Variants in RGS7 observed in about 807,000 individuals in gnomAD.
RGS7 encodes regulator of G protein signaling 7, also known as regulator of G-protein signaling 7.
Under a neutral mutation model 81.1 loss-of-function variants are expected in RGS7, and 27 were observed. The ratio of observed to expected loss-of-function variants is 0.33; its 90% CI spans 0.25 to 0.46. The LOEUF (loss-of-function observed/expected upper bound fraction) is 0.46, where lower values mean the gene tolerates loss of function less well. RGS7 is among the 20% of genes least tolerant of loss of function. The pLI, the probability that RGS7 is intolerant of heterozygous loss-of-function variation, is 1.00. For missense variants in RGS7, 396 were observed against 607.4 expected (o/e 0.65, Z 3.66); for synonymous variants, 208 against 207.7 (o/e 1.00, Z -0.01).
chr1:241,334,348 CTG>C (rs1334979431), intron 2 of RGS7, among the ~76,000 whole-genome samples: 3 of 152,128 alleles, frequency 2.0e-5, no homozygotes, highest in Non-Finnish European at 2.9e-5. Context: ...TTTCTTGTTG[CTG>C]GAGAGCAATG....
chr1:241,002,177 TG>T (rs753401401), intron 3 of RGS7, among the ~76,000 whole-genome samples: 28 of 152,102 alleles, frequency 1.8e-4, no homozygotes, highest in Non-Finnish European at 3.2e-4. Context: ...CCCGGCGGGA[TG>T]GCTCATGCTG....
chr1:241,330,601 T>TA (rs1367568442), intron 2 of RGS7, among the ~76,000 whole-genome samples: 3 of 152,162 alleles, frequency 2.0e-5, no homozygotes. Flanking sequence ...TTAACAGAAT[T>TA]AGAGTATCCA....
intron 9 of RGS7, among the ~76,000 whole-genome samples, chr1:240,853,721 T>C (rs1268058001): frequency 6.6e-6 from 1 of 151,550 alleles, no homozygotes; most frequent in African/African-American, 2.4e-5. Flanking sequence ...GCTAACACGG[T>C]GAAACCCCGT....
intron 3 of RGS7, among the ~76,000 whole-genome samples, chr1:240,989,586 C>T (rs978125394): frequency 1.1e-4 from 16 of 151,942 alleles, no homozygotes; most frequent in Admixed American, 5.2e-4. Flanking sequence ...ACTGAGACAC[C>T]CCATGGTTCC....
chr1:241,130,247 A>T (rs2103034654), intron 2 of RGS7, among the ~76,000 whole-genome samples: 1 of 152,274 alleles, frequency 6.6e-6, no homozygotes, highest in Non-Finnish European at 1.5e-5. Context: ...ACTTTTAGAT[A>T]AAAAGCCCAA....
chr1:241,069,739 G>T (rs562421533), intron 3 of RGS7, among the ~76,000 whole-genome samples: 1 of 152,036 alleles, frequency 6.6e-6, no homozygotes, highest in Non-Finnish European at 1.5e-5. Context: ...ACATATTTCC[G>T]AAACATCAGA....
At chr1:241,149,616 C>T (rs1375758159) in intron 2 of RGS7, among the ~76,000 whole-genome samples, 1 of 152,172 alleles carries the variant, frequency 6.6e-6, no homozygotes, top group Non-Finnish European at 1.5e-5. Flanking sequence ...GGGCCATGTC[C>T]TTTAAACCAG....
At chr1:241,315,362 T>A (rs979184919) in intron 2 of RGS7, among the ~76,000 whole-genome samples, 29 of 152,102 alleles carry the variant, frequency 1.9e-4, no homozygotes, top group African/African-American at 6.3e-4. Flanking sequence ...AACTGTCTGA[T>A]ATCTGATAAT....
At chr1:241,134,080 T>A (rs2067312381) in intron 2 of RGS7, among the ~76,000 whole-genome samples, 1 of 152,194 alleles carries the variant, frequency 6.6e-6, no homozygotes, top group Admixed American at 6.5e-5. Flanking sequence ...CACTGCCCAA[T>A]ATGGTAGCCA....
At chr1:241,115,269 G>A (rs1292007151) in intron 2 of RGS7, among the ~76,000 whole-genome samples, 1 of 152,120 alleles carries the variant, frequency 6.6e-6, no homozygotes, top group Non-Finnish European at 1.5e-5. Flanking sequence ...GATCCTTGCA[G>A]TTATTTCAGG....
chr1:240,989,873 A>T (rs1686210410), intron 3 of RGS7, among the ~76,000 whole-genome samples: 1 of 152,152 alleles, frequency 6.6e-6, no homozygotes, highest in Non-Finnish European at 1.5e-5. Flanking sequence ...AAGGGAAAGG[A>T]TGTATTTAGG....
intron 2 of RGS7, among the ~76,000 whole-genome samples, chr1:241,180,037 C>A (rs149457305): frequency 2.0e-5 from 3 of 152,084 alleles, no homozygotes; most frequent in Middle Eastern, 3.4e-3. Context: ...TTGATGTGGG[C>A]CAGGTATGAG....
At position 241,059,353 on chromosome 1, in the gene RGS7, C is replaced by G. The variant is rs187110612; in HGVS notation, c.175+39313G>C. Among the ~76,000 whole-genome samples the G allele has an allele frequency of 2.3e-3, 347 of 152,238 alleles. 5 individuals carry two copies. The highest frequency in any genetic ancestry group is 0.022 in the Admixed American group (329 of 15,290). ...TTGGTATAGTGGTAAAAAGTGATAA[C>G]TTACTTTAAAATACTTCCATATGAA... On this transcript the variant is annotated intron_variant, in intron 3 of 18. Coordinates refer to ENST00000440928, the MANE Select transcript of RGS7 (RefSeq NM_001364886.1).
chr1:240,846,466 A>G (rs1411812051), intron 9 of RGS7, among the ~76,000 whole-genome samples: 3 of 152,124 alleles, frequency 2.0e-5, no homozygotes, highest in Non-Finnish European at 4.4e-5. Context: ...CCTCCTGCTT[A>G]CAGGTTACTG....
Position 241,108,494 on chromosome 1 carries a change from T to G in RGS7, c.79-9732A>C, listed in dbSNP as rs80243960. On this transcript the variant is annotated intron_variant, in intron 2 of 18. Transcript: ENST00000440928. ...GGCATGGTAAGTATTTGCCCCGAGG[T>G]AGAAAATACCAACGATGCTAAATGT... is the stretch of plus-strand genomic sequence containing the variant. Among the ~76,000 whole-genome samples the G allele has an allele frequency of 7.2e-3, 1,101 of 152,212 alleles. 16 individuals are homozygous for G. Among genetic ancestry groups the G allele is most frequent in the African/African-American group, 0.025 (1,042 of 41,544 alleles).
rs146642169 is a variant in RGS7 at position 241,167,775 on chromosome 1, C to T, written c.79-69013G>A. 7.1e-3 allele frequency among the ~76,000 whole-genome samples: 1,086 copies of T among 152,220 alleles called. 18 individuals are homozygous for T. The highest frequency in any genetic ancestry group is 0.025 in the African/African-American group (1,052 of 41,530). On this transcript the variant is annotated intron_variant, in intron 2 of 18. Coordinates refer to ENST00000440928, the MANE Select transcript of RGS7 (RefSeq NM_001364886.1). ...CCTCATGATCCTCCCGCCTCAGCCTCCCAAAGTACTGGGATTACAGGGATG... is the reference window on the plus strand; with the variant it reads ...CCTCATGATCCTCCCGCCTCAGCCTTCCAAAGTACTGGGATTACAGGGATG...
intron 4 of RGS7, among the ~76,000 whole-genome samples, chr1:240,942,631 G>A (rs1439962760): frequency 6.6e-6 from 1 of 152,090 alleles, no homozygotes; most frequent in Non-Finnish European, 1.5e-5. Context: ...GAAAAAAGAT[G>A]GCAGCTGATT....
chr1:240,898,376 C>T (rs139582998), intron 6 of RGS7, among the ~76,000 whole-genome samples: 42 of 152,074 alleles, frequency 2.8e-4, no homozygotes, highest in South Asian at 1.9e-3. Flanking sequence ...TGTGATGTTA[C>T]GGTGTCAATT....
intron 2 of RGS7, among the ~76,000 whole-genome samples, chr1:241,132,954 G>T (rs1169329168): frequency 6.6e-6 from 1 of 151,970 alleles, no homozygotes; most frequent in African/African-American, 2.4e-5. Context: ...AGTAGAGATG[G>T]GGTTTCACCG....
Sources: gnomAD v4.1 joint callset for allele counts (sites outside exome capture counted in the v4.1 genomes callset) on GRCh38, gnomAD v4.1.1 for gene constraint, MANE v1.5 for transcripts, NCBI Gene and HGNC (gene_info 2026-07-23, HGNC 2026-07-21) for gene names.